The following GAS7 variants were observed in gnomAD, a reference collection of about 807,000 sequenced individuals.
GAS7 encodes growth arrest specific 7.
GAS7 carries 28 observed loss-of-function variants against 71.1 expected under a neutral mutation model. That is an observed-to-expected ratio of 0.39 (90% CI 0.29 to 0.54). The LOEUF (loss-of-function observed/expected upper bound fraction) is 0.54, where lower values mean the gene tolerates loss of function less well. Among genes scored for constraint, GAS7 ranks in the 20% least tolerant of loss-of-function variants. GAS7 has a pLI of 0.62. For synonymous variants in GAS7, 258 were observed against 245.8 expected (o/e 1.05, Z -0.46); for missense variants, 436 against 627.8 (o/e 0.69, Z 3.27).
intron 1 of GAS7, among the ~76,000 whole-genome samples, chr17:10,107,421 C>G (rs1350027566): frequency 2.0e-5 from 3 of 152,272 alleles, no homozygotes; most frequent in Non-Finnish European, 2.9e-5. Context: ...TGGTGGCAGG[C>G]TGGGAAGGAG....
intron 2 of GAS7, among the ~76,000 whole-genome samples, chr17:10,013,542 C>G (rs992317685): frequency 2.6e-5 from 4 of 152,206 alleles, no homozygotes; most frequent in Non-Finnish European, 5.9e-5. Flanking sequence ...GATGAAATTT[C>G]CAGAGAGCCA....
chr17:10,174,020 G>A (rs1391258832), intron 1 of GAS7, among the ~76,000 whole-genome samples: 1 of 152,158 alleles, frequency 6.6e-6, no homozygotes, highest in East Asian at 1.9e-4. Context: ...TATACTGGCT[G>A]AACTGTTCAT....
chr17:10,167,947 C>T (rs912657465), intron 1 of GAS7, among the ~76,000 whole-genome samples: 2 of 152,120 alleles, frequency 1.3e-5, no homozygotes, highest in Non-Finnish European at 2.9e-5. Context: ...CACCTGCCCA[C>T]CTCAGCCTCC....
intron 5 of GAS7, among the ~76,000 whole-genome samples, chr17:9,953,780 T>G (rs2069113559): frequency 6.6e-6 from 1 of 152,262 alleles, no homozygotes; most frequent in African/African-American, 2.4e-5. Context: ...TTAATGTTTC[T>G]CCTCCTTGCC....
chr17:10,010,404 A>T (rs111496693), intron 2 of GAS7, among the ~76,000 whole-genome samples: 1 of 152,026 alleles, frequency 6.6e-6, no homozygotes, highest in Non-Finnish European at 1.5e-5. Context: ...CGCCCGCCTC[A>T]GCCTCCCAAA....
At chr17:9,937,999 C>T (rs951374213) in intron 8 of GAS7, among the ~76,000 whole-genome samples, 3 of 152,180 alleles carry the variant, frequency 2.0e-5, no homozygotes, top group African/African-American at 7.2e-5. Flanking sequence ...AATCAAACGC[C>T]TGTTTTGTGA....
chr17:9,998,250 C>T (rs1187432799), intron 2 of GAS7, among the ~76,000 whole-genome samples: 1 of 152,184 alleles, frequency 6.6e-6, no homozygotes, highest in Non-Finnish European at 1.5e-5. Flanking sequence ...GGATGGAAGA[C>T]CAAATATATA....
intron 1 of GAS7, among the ~76,000 whole-genome samples, chr17:10,080,828 A>C (rs1432012307): frequency 6.6e-6 from 1 of 152,282 alleles, no homozygotes; most frequent in African/African-American, 2.4e-5. Context: ...ATTCCATCAG[A>C]TAGTAAAACT....
intron 1 of GAS7, among the ~76,000 whole-genome samples, chr17:10,148,119 C>T (rs2074135157): frequency 1.3e-5 from 2 of 152,142 alleles, no homozygotes; most frequent in South Asian, 4.1e-4. Context: ...CTAGCACAGG[C>T]ATTTTTGATT....
At chr17:10,074,764 G>C (rs962936903) in intron 1 of GAS7, among the ~76,000 whole-genome samples, 7 of 151,392 alleles carry the variant, frequency 4.6e-5, no homozygotes, top group African/African-American at 7.3e-5. Context: ...AAAACATTCA[G>C]CTCCTTTTTA....
intron 1 of GAS7, among the ~76,000 whole-genome samples, chr17:10,080,391 T>C (rs2073446279): frequency 6.6e-6 from 1 of 152,190 alleles, no homozygotes; most frequent in Non-Finnish European, 1.5e-5. Flanking sequence ...TTATTTGGCA[T>C]ATAATCAAGA....
At chr17:10,094,948 A>G (rs1173328342) in intron 1 of GAS7, among the ~76,000 whole-genome samples, 2 of 152,078 alleles carry the variant, frequency 1.3e-5, no homozygotes, top group African/African-American at 2.4e-5. Context: ...CATTTCTGTC[A>G]TCCGCAATAT....
At chr17:10,018,067 A>G (rs1282957726) in intron 2 of GAS7, among the ~76,000 whole-genome samples, 2 of 152,272 alleles carry the variant, frequency 1.3e-5, no homozygotes, top group Non-Finnish European at 2.9e-5. Context: ...TTAGACTGAA[A>G]TGTACAAAGT....
intron 1 of GAS7, among the ~76,000 whole-genome samples, chr17:10,115,969 G>A (rs16959335): frequency 0.061 from 9,272 of 152,254 alleles, 309 homozygotes; most frequent in Non-Finnish European, 0.069. Context: ...CTAGAAATTT[G>A]CTCAGCACCT....
chr17:10,161,738 T>G (rs1408892432), intron 1 of GAS7, among the ~76,000 whole-genome samples: 1 of 152,128 alleles, frequency 6.6e-6, no homozygotes, highest in Non-Finnish European at 1.5e-5. Context: ...TGAAGCCAAA[T>G]GCAAATGTCC....
At chr17:10,051,516 T>C (rs1238356972) in intron 1 of GAS7, among the ~76,000 whole-genome samples, 1 of 152,050 alleles carries the variant, frequency 6.6e-6, no homozygotes, top group Non-Finnish European at 1.5e-5. Context: ...GCATGGACTG[T>C]CCCCTAAAGT....
intron 3 of GAS7, among the ~76,000 whole-genome samples, chr17:9,971,087 AC>A (rs758411120): frequency 2.0e-5 from 3 of 152,122 alleles, no homozygotes; most frequent in Non-Finnish European, 4.4e-5. Context: ...GTCATAAAGC[AC>A]TTCATTTAAA....
intron 2 of GAS7, among the ~76,000 whole-genome samples, chr17:10,010,530 C>T (rs971773482): frequency 8.5e-5 from 13 of 152,120 alleles, no homozygotes; most frequent in Non-Finnish European, 1.6e-4. Flanking sequence ...CTTTGTGAGC[C>T]ACGTGGTCTC....
chr17:9,955,640 T>C (rs1478374411), intron 5 of GAS7, among the ~76,000 whole-genome samples: 3 of 152,188 alleles, frequency 2.0e-5, no homozygotes, highest in Non-Finnish European at 4.4e-5. Flanking sequence ...TCTTAGCCTC[T>C]GTCACACTAC....
Sources: allele counts gnomAD v4.1 joint callset (sites outside exome capture counted in the v4.1 genomes callset), GRCh38; gene constraint gnomAD v4.1.1; transcripts MANE v1.5; gene names NCBI Gene and HGNC (gene_info 2026-07-23, HGNC 2026-07-21).